The following SEMA3E variants were observed in gnomAD, a reference collection of about 807,000 sequenced individuals.
SEMA3E encodes the protein semaphorin-3E.
A neutral mutation model predicts 93.6 loss-of-function variants in SEMA3E; 49 were observed. The ratio of observed to expected loss-of-function variants is 0.52; its 90% CI spans 0.42 to 0.66. SEMA3E has a LOEUF of 0.66. SEMA3E is among the 30% of genes least tolerant of loss of function. The pLI, the probability that SEMA3E is intolerant of heterozygous loss-of-function variation, is 0.00. For synonymous variants in SEMA3E, 363 were observed against 330.7 expected, an observed-to-expected ratio of 1.10 and a Z score of -1.06; for missense variants, 906 against 964.8, an observed-to-expected ratio of 0.94 and a Z score of 0.81.
At chr7:83,510,480 A>G (rs919612502) in intron 1 of SEMA3E, among the ~76,000 whole-genome samples, 46 of 152,180 alleles carry the variant, frequency 3.0e-4, no homozygotes, top group African/African-American at 1.0e-3. Context: ...ACAATATTGC[A>G]TATCCCAGTA....
chr7:83,567,618 A>T (rs1792189752), intron 1 of SEMA3E, among the ~76,000 whole-genome samples: 1 of 152,152 alleles, frequency 6.6e-6, no homozygotes, highest in Non-Finnish European at 1.5e-5. Flanking sequence ...TGCAAGTTTT[A>T]CAAATACATG....
At chr7:83,382,055 G>A (rs890493663) in intron 16 of SEMA3E, among the ~76,000 whole-genome samples, 6 of 151,922 alleles carry the variant, frequency 3.9e-5, no homozygotes, top group African/African-American at 1.2e-4. Context: ...GACATCAGGA[G>A]CATTTTTTAG....
intron 1 of SEMA3E, among the ~76,000 whole-genome samples, chr7:83,625,754 T>G (rs1220904537): frequency 2.0e-5 from 3 of 151,462 alleles, no homozygotes; most frequent in East Asian, 3.9e-4. Context: ...TAAATAGGAG[T>G]GGGGAGAGAG....
At chr7:83,389,984 C>CAT (rs1554318445) in intron 14 of SEMA3E, among the ~76,000 whole-genome samples, 2 of 90,250 alleles carry the variant, frequency 2.2e-5, no homozygotes, top group Non-Finnish European at 4.7e-5. Flanking sequence ...CATATATACG[C>CAT]GTATATGTGT....
At chr7:83,414,144 A>G (rs903182742) in intron 5 of SEMA3E, among the ~76,000 whole-genome samples, 1 of 152,160 alleles carries the variant, frequency 6.6e-6, no homozygotes, top group African/African-American at 2.4e-5. Flanking sequence ...CCTGAAGTCT[A>G]TGTTTCTATA....
chr7:83,600,834 TTAGAC>T (rs1199796711), intron 1 of SEMA3E, among the ~76,000 whole-genome samples: 1 of 152,194 alleles, frequency 6.6e-6, no homozygotes, highest in East Asian at 1.9e-4. Flanking sequence ...TGGCAATTAC[TTAGAC>T]TAGACTCTAG....
intron 1 of SEMA3E, among the ~76,000 whole-genome samples, chr7:83,491,799 T>G (rs975218003): frequency 6.6e-6 from 1 of 152,054 alleles, no homozygotes; most frequent in African/African-American, 2.4e-5. Flanking sequence ...CCCTCAAAAC[T>G]TACTTGGGAA....
At chr7:83,622,857 A>G (rs1000051478) in intron 1 of SEMA3E, among the ~76,000 whole-genome samples, 6 of 151,910 alleles carry the variant, frequency 3.9e-5, no homozygotes, top group African/African-American at 1.4e-4. Flanking sequence ...GAAGGGCATC[A>G]GGAAGAACAA....
At position 83,363,942 on chromosome 7, in the gene SEMA3E, C is replaced by T. The variant is rs1176682168; in HGVS notation, c.*3644G>A. ...TCGCTCTGTCGCCCAGGCCGGACTG[C>T]GGACTGCAGTGGCGCAATCTCGGCT... On this transcript the variant is annotated 3_prime_UTR_variant, in exon 17 of 17. Transcript: ENST00000643230. 1.5e-5 allele frequency: 2 copies of T among 129,074 alleles called. No individual in the cohort carries two copies. Among genetic ancestry groups the T allele is most frequent in the South Asian group, 2.5e-4 (1 of 4,074 alleles). 8.0% of individuals were successfully genotyped at this position (129,074 alleles called of 1,614,324 possible). A position where few individuals can be genotyped will look rare whatever the true frequency, so the allele number is the denominator to read the frequency against.
chr7:83,556,203 C>G (rs961515695), intron 1 of SEMA3E, among the ~76,000 whole-genome samples: 1 of 152,116 alleles, frequency 6.6e-6, no homozygotes, highest in Non-Finnish European at 1.5e-5. Context: ...CCCTCCACTG[C>G]CTGCACTTAC....
chr7:83,379,273 G>A (rs1047046729), intron 16 of SEMA3E, among the ~76,000 whole-genome samples: 4 of 151,346 alleles, frequency 2.6e-5, no homozygotes, highest in African/African-American at 4.8e-5. Flanking sequence ...GATGAGGATC[G>A]AAAAATTACC....
At chr7:83,391,620 G>T (rs1413931650) in intron 14 of SEMA3E, among the ~76,000 whole-genome samples, 1 of 151,782 alleles carries the variant, frequency 6.6e-6, no homozygotes, top group East Asian at 1.9e-4. Context: ...AATACTCACT[G>T]GAGTGTTAAT....
chr7:83,457,609 G>C (rs931450739), intron 4 of SEMA3E, among the ~76,000 whole-genome samples: 1 of 152,106 alleles, frequency 6.6e-6, no homozygotes, highest in Non-Finnish European at 1.5e-5. Context: ...TGCAACAACA[G>C]TGTTAAATAC....
chr7:83,602,720 C>T (rs1793024003), intron 1 of SEMA3E, among the ~76,000 whole-genome samples: 1 of 152,158 alleles, frequency 6.6e-6, no homozygotes, highest in Non-Finnish European at 1.5e-5. Flanking sequence ...TTGTGATCTG[C>T]CCGCCTCAGC....
intron 10 of SEMA3E, 35 bp downstream of exon 10, chr7:83,402,597 A>G: frequency 6.3e-7 from 1 of 1,585,076 alleles, no homozygotes; most frequent in Non-Finnish European, 8.7e-7. Flanking sequence ...AGTATACTTA[A>G]AAATAAGAAT....
chr7:83,579,941 T>A (rs973684478), intron 1 of SEMA3E, among the ~76,000 whole-genome samples: 3 of 152,080 alleles, frequency 2.0e-5, no homozygotes, highest in Non-Finnish European at 2.9e-5. Flanking sequence ...CCTGAGAGAA[T>A]GAGTCATTCT....
intron 4 of SEMA3E, among the ~76,000 whole-genome samples, chr7:83,463,516 C>T (rs1206393810): frequency 6.6e-6 from 1 of 152,150 alleles, no homozygotes; most frequent in African/African-American, 2.4e-5. Flanking sequence ...GACTTCAATC[C>T]GGCCTCCCAC....
At chr7:83,408,006 G>A (rs956011650) in intron 6 of SEMA3E, among the ~76,000 whole-genome samples, 4 of 152,066 alleles carry the variant, frequency 2.6e-5, no homozygotes, top group Non-Finnish European at 5.9e-5. Context: ...ATTAAAACAA[G>A]CAAAGCAGGG....
intron 1 of SEMA3E, among the ~76,000 whole-genome samples, chr7:83,567,639 G>A (rs12112772): frequency 1.7e-3 from 258 of 152,100 alleles, no homozygotes; most frequent in African/African-American, 6.0e-3. Flanking sequence ...GAAATTAAAC[G>A]ACATGCTCCT....
Sources: gnomAD v4.1 joint callset for allele counts (sites outside exome capture counted in the v4.1 genomes callset) on GRCh38, gnomAD v4.1.1 for gene constraint, MANE v1.5 for transcripts, NCBI Gene and HGNC (gene_info 2026-07-23, HGNC 2026-07-21) for gene names.